TOMM70: variants seen among roughly 807,000 people sequenced by gnomAD.
TOMM70 encodes the protein mitochondrial import receptor subunit TOM70.
TOMM70 carries 13 observed loss-of-function variants against 73.6 expected under a neutral mutation model. That is an observed-to-expected ratio of 0.18 (90% CI 0.11 to 0.28). TOMM70 has a LOEUF of 0.28. Ranked by LOEUF, TOMM70 falls within the 10% of genes least tolerant of loss-of-function variation. TOMM70 has a pLI of 1.00. For missense variants in TOMM70, 609 were observed against 747.5 expected, an observed-to-expected ratio of 0.81 and a Z score of 2.16; for synonymous variants, 257 against 271.2, an observed-to-expected ratio of 0.95 and a Z score of 0.51.
intron 1 of TOMM70, among the ~76,000 whole-genome samples, chr3:100,392,534 G>A (rs1430770523): frequency 6.6e-6 from 1 of 151,982 alleles, no homozygotes; most frequent in Non-Finnish European, 1.5e-5. Flanking sequence ...TTCTGCCTCA[G>A]CCTCCTGAGT....
chr3:100,371,901 A>G (rs769858272), intron 9 of TOMM70: 2 of 152,230 alleles, frequency 1.3e-5, no homozygotes, highest in Non-Finnish European at 2.9e-5. Context: ...GTGCAGCCCC[A>G]TTCCTAAGAG....
chr3:100,369,563 C>A (rs1027792750), intron 9 of TOMM70, among the ~76,000 whole-genome samples: 1 of 150,194 alleles, frequency 6.7e-6, no homozygotes, highest in African/African-American at 2.5e-5. Flanking sequence ...TGTAGTGGCG[C>A]AATCTCTGTT....
chr3:100,377,060 C>G (rs541118767), intron 6 of TOMM70, among the ~76,000 whole-genome samples: 94 of 152,024 alleles, frequency 6.2e-4, no homozygotes, highest in Non-Finnish European at 1.2e-3. Context: ...AGGAGAGAGG[C>G]TACAGAGTTC....
intron 1 of TOMM70, 31 bp from the exon 2 acceptor site, chr3:100,387,009 T>G (rs764364238): frequency 1.2e-6 from 2 of 1,603,552 alleles, no homozygotes; most frequent in East Asian, 4.5e-5. Context: ...TATCAAACAC[T>G]AATCAACATT....
intron 7 of TOMM70, among the ~76,000 whole-genome samples, chr3:100,374,226 T>C (rs1706539751): frequency 6.6e-6 from 1 of 152,220 alleles, no homozygotes; most frequent in African/African-American, 2.4e-5. Flanking sequence ...CCTATAATAT[T>C]TGGTATAGTA....
rs1461497872 is a variant in TOMM70 at position 100,400,989 on chromosome 3, G to C, written c.-40C>G. 6.6e-7 allele frequency: 1 copy of C among 1,519,542 alleles called. No homozygotes were observed. The highest frequency in any genetic ancestry group is 1.4e-5 in the African/African-American group (1 of 71,392). 94.1% of individuals were successfully genotyped at this position (1,519,542 alleles called of 1,614,324 possible). A position where few individuals can be genotyped will look rare whatever the true frequency, so the allele number is the denominator to read the frequency against. ...GCCACCGCCTCCCTGTCTGTCGCGAGCGCCACAATCACCAAACAGCGTGCG... is the reference window on the plus strand; with the variant it reads ...GCCACCGCCTCCCTGTCTGTCGCGACCGCCACAATCACCAAACAGCGTGCG... On this transcript the variant is annotated 5_prime_UTR_variant, in exon 1 of 12. Transcript: ENST00000284320.
chr3:100,373,111 A>G (rs1706528119), intron 8 of TOMM70, among the ~76,000 whole-genome samples: 1 of 151,612 alleles, frequency 6.6e-6, no homozygotes, highest in African/African-American at 2.4e-5. Context: ...GCTAACTGGA[A>G]GTATCTTATT....
At chr3:100,371,408 G>A (rs1297172218) in intron 9 of TOMM70, among the ~76,000 whole-genome samples, 2 of 151,694 alleles carry the variant, frequency 1.3e-5, no homozygotes, top group Non-Finnish European at 2.9e-5. Flanking sequence ...GGGATAACAG[G>A]TGTGCGCCAA....
chr3:100,386,940 G>C lies in TOMM70; in HGVS notation c.363C>G (p.Gly121=). ...LDRAQAAKNK[G]NKYFKAGKYE... ...ATTTTCCTGCTTTAAAATATTTATT[G>C]CCTTTATTCTTGGCTGCTTGGGCTC... The change falls in exon 2 of 12, where the codon GGC becomes GGG. Residue 121 remains glycine (G), a synonymous_variant. Transcript: ENST00000284320. 1 of 1,613,932 alleles carries C rather than the reference G, an allele frequency of 6.2e-7. No homozygotes were observed. Among genetic ancestry groups the C allele is most frequent in the Non-Finnish European group, 8.5e-7 (1 of 1,179,966 alleles).
chr3:100,400,553 T>A (rs1706883959), intron 1 of TOMM70, 73 bp downstream of exon 1: 3 of 1,526,706 alleles, frequency 2.0e-6, no homozygotes, highest in Admixed American at 3.9e-5. Flanking sequence ...GGAAGCCCCC[T>A]CACTGACACA....
At chr3:100,380,288 T>C (rs1706617661) in intron 5 of TOMM70, among the ~76,000 whole-genome samples, 1 of 151,932 alleles carries the variant, frequency 6.6e-6, no homozygotes, top group Non-Finnish European at 1.5e-5. Flanking sequence ...GAGGTTGCAG[T>C]GAGCCAAGAC....
intron 10 of TOMM70, among the ~76,000 whole-genome samples, chr3:100,368,733 C>T (rs1404469484): frequency 6.6e-6 from 1 of 152,092 alleles, no homozygotes. Flanking sequence ...TGCCACCACA[C>T]CTGGCTAATT....
intron 6 of TOMM70, among the ~76,000 whole-genome samples, chr3:100,376,170 T>C (rs1576212256): frequency 6.6e-6 from 1 of 152,290 alleles, no homozygotes; most frequent in Non-Finnish European, 1.5e-5. Context: ...TCATTTATTA[T>C]TGGTCATTTG....
chr3:100,369,397 C>A (rs568091228), intron 9 of TOMM70, among the ~76,000 whole-genome samples: 176 of 151,986 alleles, frequency 1.2e-3, no homozygotes, highest in African/African-American at 3.9e-3. Context: ...GTAAACTGTT[C>A]AATACAGATA....
At chr3:100,383,537 CAGAG>C (rs1295992908) in intron 4 of TOMM70, among the ~76,000 whole-genome samples, 9 of 140,000 alleles carry the variant, frequency 6.4e-5, no homozygotes, top group South Asian at 4.7e-4. Context: ...AAAAAAAAAA[CAGAG>C]AGAGAGACTG....
chr3:100,366,387 AAAG>A (rs1405454215), intron 11 of TOMM70, among the ~76,000 whole-genome samples: 1 of 152,204 alleles, frequency 6.6e-6, no homozygotes, highest in East Asian at 1.9e-4. Context: ...GCAATCCTAC[AAAG>A]AATATTAAGT....
In TOMM70 at chr3:100,365,712, T is replaced by A. The variant is rs1372009091; in HGVS notation, c.1679A>T (p.Asn560Ile). 6.2e-7 allele frequency: 1 copy of A among 1,614,052 alleles called. No homozygotes were observed. Residue 560 changes from asparagine (N) to isoleucine (I), a missense_variant, in exon 12 of 12, where the codon AAC becomes ATC. Physicochemically the swap from Asn to Ile is moderately radical, Grantham distance 149. Coordinates refer to ENST00000284320, the MANE Select transcript of TOMM70 (RefSeq NM_014820.5). ...GAACATGTCAATGGCTTTCTCCATG[T>A]TTCCTCTAAAAGAACAAAATTTTTA... ...TMGTIEVQRG[N>I]MEKAIDMFNK...
chr3:100,394,968 T>A (rs1481434191), intron 1 of TOMM70, among the ~76,000 whole-genome samples: 2 of 152,236 alleles, frequency 1.3e-5, no homozygotes, highest in Non-Finnish European at 2.9e-5. Context: ...TAAATCATAA[T>A]AACTCTTTAC....
chr3:100,400,326 C>A (rs1706878621), intron 1 of TOMM70, among the ~76,000 whole-genome samples: 1 of 152,186 alleles, frequency 6.6e-6, no homozygotes, highest in African/African-American at 2.4e-5. Context: ...TAAATACAAT[C>A]ATCACATTTG....
Sources: allele counts gnomAD v4.1 joint callset (sites outside exome capture counted in the v4.1 genomes callset), GRCh38; gene constraint gnomAD v4.1.1; transcripts MANE v1.5; gene names NCBI Gene and HGNC (gene_info 2026-07-23, HGNC 2026-07-21).